Variants in WBP1L observed in about 807,000 individuals in gnomAD.
WBP1L encodes WW domain binding protein 1 like, also known as WW domain binding protein 1-like.
Under a neutral mutation model 33.7 loss-of-function variants are expected in WBP1L, and 17 were observed. The ratio of observed to expected loss-of-function variants is 0.50; its 90% CI spans 0.34 to 0.76. The LOEUF (loss-of-function observed/expected upper bound fraction) is 0.76. Among genes scored for constraint, WBP1L ranks in the 30% least tolerant of loss-of-function variants. WBP1L has a pLI of 0.01. For missense variants in WBP1L, 389 were observed against 469.4 expected (o/e 0.83, Z 1.58); for synonymous variants, 173 against 190.8 (o/e 0.91, Z 0.77).
chr10:102,794,755 A>G (rs982395452), intron 1 of WBP1L, among the ~76,000 whole-genome samples: 2 of 152,104 alleles, frequency 1.3e-5, no homozygotes, highest in African/African-American at 4.8e-5. Context: ...TGAAAAAGAA[A>G]AAAGTAGGGG....
chr10:102,762,189 C>T (rs143672679), intron 1 of WBP1L, among the ~76,000 whole-genome samples: 12 of 151,846 alleles, frequency 7.9e-5, no homozygotes, highest in African/African-American at 2.9e-4. Flanking sequence ...CCTGGGTGAC[C>T]CTGTCTCAAA....
intron 1 of WBP1L, among the ~76,000 whole-genome samples, chr10:102,796,369 G>T (rs1053158585): frequency 1.6e-4 from 24 of 152,150 alleles, no homozygotes; most frequent in Non-Finnish European, 2.9e-4. Flanking sequence ...GCACTAAGCC[G>T]GGGAACTGGT....
rs141240204 is a variant in WBP1L, at chr10:102,812,859, G to A, written c.620G>A (p.Arg207Gln). The change falls in exon 4 of 4, where the codon CGA becomes CAA. Residue 207 changes from arginine (R) to glutamine (Q), a missense_variant. Arg to Gln is a conservative substitution (Grantham distance 43). Coordinates refer to ENST00000448841, the MANE Select transcript of WBP1L (RefSeq NM_001083913.2). ...DPDPSDLPVD[R>Q]AATKAPGMEP... ...GATCCCTCTGACCTACCAGTTGACCGAGCAGCCACCAAAGCCCCAGGGATG... is the reference window on the plus strand; with the variant it reads ...GATCCCTCTGACCTACCAGTTGACCAAGCAGCCACCAAAGCCCCAGGGATG... 1.1e-5 allele frequency: 18 copies of A among 1,571,758 alleles called. No homozygotes were observed. Among genetic ancestry groups the A allele is most frequent in the African/African-American group, 6.8e-5 (5 of 73,836 alleles).
At chr10:102,772,257 C>CTTTTTTTTTTTTTTTTT (rs34766191) in intron 1 of WBP1L, among the ~76,000 whole-genome samples, 1 of 61,032 alleles carries the variant, frequency 1.6e-5, no homozygotes, top group Non-Finnish European at 2.8e-5. Context: ...TGCGCCCGGC[C>CTTTTTTTTTTTTTTTTT]TTTTTTTTTT....
chr10:102,773,751 TGTGGTGGC>T (rs1414634378), intron 1 of WBP1L, among the ~76,000 whole-genome samples: 4 of 150,724 alleles, frequency 2.7e-5, no homozygotes, highest in African/African-American at 4.9e-5. Context: ...CTTAGCTGAG[TGTGGTGGC>T]GTGGTGGCGT....
rs1285856228 is a variant in WBP1L, at chr10:102,815,511, G to A, written c.*2180G>A. ...GTGGCCCAGACATCGGCCCTGCCCA[G>A]AATTGCCAGGAGGAGGCTTTGCAGG... On this transcript the variant is annotated 3_prime_UTR_variant, in exon 4 of 4. Transcript: ENST00000448841. 6.6e-6 allele frequency: 1 copy of A among 152,296 alleles called. No homozygotes were observed. The highest frequency in any genetic ancestry group is 1.9e-4 in the East Asian group (1 of 5,186). 9.4% of individuals were successfully genotyped at this position (152,296 alleles called of 1,614,324 possible).
chr10:102,766,628 C>A (rs1843114661), intron 1 of WBP1L, among the ~76,000 whole-genome samples: 1 of 150,852 alleles, frequency 6.6e-6, no homozygotes, highest in African/African-American at 2.4e-5. Context: ...GTCTCAAAAA[C>A]AAAAAGCCGG....
At chr10:102,787,853 G>A (rs9419939) in intron 1 of WBP1L, among the ~76,000 whole-genome samples, 23,534 of 151,832 alleles carry the variant, frequency 0.15, 2,238 homozygotes, top group Admixed American at 0.23. Flanking sequence ...CGAGGTGGGC[G>A]GATCACCTGA....
chr10:102,764,787 T>C (rs918893795), intron 1 of WBP1L, among the ~76,000 whole-genome samples: 1 of 152,346 alleles, frequency 6.6e-6, no homozygotes, highest in Middle Eastern at 3.4e-3. Flanking sequence ...ATTTGATTTA[T>C]GTAAGATCCA....
In WBP1L at chr10:102,816,079, A is replaced by G. The variant is rs1384147379; in HGVS notation, c.*2748A>G. The stretch of plus-strand genomic sequence containing the variant: ...TCAGAAGATTTGCAAATGCGAACAC[A>G]TTCCTGTGTGAGGCACGTTACCCTT... On this transcript the variant is annotated 3_prime_UTR_variant, in exon 4 of 4. Coordinates refer to ENST00000448841, the MANE Select transcript of WBP1L (RefSeq NM_001083913.2). 1 of 152,624 alleles carries G rather than the reference A, an allele frequency of 6.6e-6. No homozygotes were observed. Among genetic ancestry groups the G allele is most frequent in the Non-Finnish European group, 1.5e-5 (1 of 68,034 alleles). 9.5% of individuals were successfully genotyped at this position (152,624 alleles called of 1,614,324 possible). A position where few individuals can be genotyped will look rare whatever the true frequency, so the allele number is the denominator to read the frequency against.
chr10:102,746,835 C>CT (rs1003229044), intron 1 of WBP1L, among the ~76,000 whole-genome samples: 2 of 151,994 alleles, frequency 1.3e-5, no homozygotes, highest in South Asian at 2.1e-4. Context: ...ACAATACAAT[C>CT]TTTTTTTTAC....
intron 2 of WBP1L, among the ~76,000 whole-genome samples, chr10:102,799,317 C>T (rs1843618296): frequency 6.6e-6 from 1 of 151,482 alleles, no homozygotes; most frequent in Non-Finnish European, 1.5e-5. Context: ...CAGAGCGAGG[C>T]TCCATCTAAA....
At chr10:102,750,684 G>A (rs1205930737) in intron 1 of WBP1L, among the ~76,000 whole-genome samples, 1 of 151,774 alleles carries the variant, frequency 6.6e-6, no homozygotes, top group Non-Finnish European at 1.5e-5. Context: ...TGTATTTTTA[G>A]TACAGATGGG....
intron 2 of WBP1L, among the ~76,000 whole-genome samples, chr10:102,801,276 G>T (rs888670257): frequency 6.6e-6 from 1 of 152,150 alleles, no homozygotes; most frequent in Non-Finnish European, 1.5e-5. Flanking sequence ...TACGGCACCT[G>T]TACTTTAATT....
Position 102,774,966 on chromosome 10 carries a change from T to G in WBP1L, c.91-23027T>G, listed in dbSNP as rs114312602. On this transcript the variant is annotated intron_variant, in intron 1 of 3. Transcript: ENST00000448841. ...CCATCTCTACACAAAAAAACAAAAATTAGCTGCGCATGGTAGCACGTGCCT... is the reference window on the plus strand; with the variant it reads ...CCATCTCTACACAAAAAAACAAAAAGTAGCTGCGCATGGTAGCACGTGCCT... Among the ~76,000 whole-genome samples, 1,249 of 151,700 alleles carry G rather than the reference T, an allele frequency of 8.2e-3. 10 individuals carry two copies. Among genetic ancestry groups the G allele is most frequent in the African/African-American group, 0.029 (1,182 of 41,350 alleles).
intron 1 of WBP1L, among the ~76,000 whole-genome samples, chr10:102,750,338 C>T (rs1278388708): frequency 4.0e-5 from 6 of 151,038 alleles, no homozygotes; most frequent in African/African-American, 1.5e-4. Context: ...GAGGCTGCAG[C>T]GAGCCTAGAT....
chr10:102,745,745 C>G (rs115600617), intron 1 of WBP1L, among the ~76,000 whole-genome samples: 1 of 152,132 alleles, frequency 6.6e-6, no homozygotes, highest in African/African-American at 2.4e-5. Flanking sequence ...ACTAGAAATA[C>G]CATGTGAAAG....
chr10:102,757,418 G>A (rs1331817814), intron 1 of WBP1L, among the ~76,000 whole-genome samples: 2 of 152,180 alleles, frequency 1.3e-5, no homozygotes, highest in Admixed American at 6.5e-5. Flanking sequence ...CAAGTATGGG[G>A]GTCGTCACCC....
chr10:102,783,307 C>T (rs1029186758), intron 1 of WBP1L, among the ~76,000 whole-genome samples: 3 of 152,218 alleles, frequency 2.0e-5, no homozygotes, highest in African/African-American at 7.2e-5. Flanking sequence ...GAAAATCACA[C>T]CCCCACAGCC....
Sources: gnomAD v4.1 joint callset for allele counts (sites outside exome capture counted in the v4.1 genomes callset) on GRCh38, gnomAD v4.1.1 for gene constraint, MANE v1.5 for transcripts, NCBI Gene and HGNC (gene_info 2026-07-23, HGNC 2026-07-21) for gene names.